The following AXIN2 variants were observed in gnomAD, a reference collection of about 807,000 sequenced individuals.
AXIN2 encodes axin 2.
Under a neutral mutation model 74.7 loss-of-function variants are expected in AXIN2, and 21 were observed. That is an observed-to-expected ratio of 0.28 (90% CI 0.20 to 0.40). The LOEUF is 0.40. Ranked by LOEUF, AXIN2 falls within the 10% of genes least tolerant of loss-of-function variation. AXIN2 has a pLI of 1.00. For synonymous variants in AXIN2, 532 were observed against 454.9 expected, an observed-to-expected ratio of 1.17 and a Z score of -2.16; for missense variants, 1,144 against 1,111.1, an observed-to-expected ratio of 1.03 and a Z score of -0.42.
chr17:65,558,739 G>T lies in AXIN2; in HGVS notation c.-116-3C>A. The T allele has an allele frequency of 9.8e-7, 1 of 1,016,994 alleles. No homozygotes were observed. The allele number at this position is 1,016,994 out of a possible 1,614,324, so 63.0% of individuals were successfully genotyped here. A position where few individuals can be genotyped will look rare whatever the true frequency, so the allele number is the denominator to read the frequency against. On this transcript the variant is annotated splice_polypyrimidine_tract_variant and splice_region_variant and intron_variant, in intron 1 of 10. Transcript: ENST00000307078. The stretch of plus-strand genomic sequence containing the variant: ...AGGGGCTCATCTGAACCTCCTCTCT[G>T]GAAAGAAAAGGAAGGGGGGAGGTGG...
At chr17:65,540,306 T>TTATG (rs1234572832) in intron 4 of AXIN2, among the ~76,000 whole-genome samples, 5 of 152,172 alleles carry the variant, frequency 3.3e-5, no homozygotes, top group Non-Finnish European at 7.4e-5. Context: ...TGAGCACCTA[T>TTATG]TATGTGTCAG....
At chr17:65,535,551 G>T (rs1253946847) in intron 9 of AXIN2, 75 bp downstream of exon 9, 5 of 1,445,698 alleles carry the variant, frequency 3.5e-6, no homozygotes, top group South Asian at 1.2e-5. Flanking sequence ...TCATGAAAAT[G>T]AAACTCCAGA....
intron 9 of AXIN2, among the ~76,000 whole-genome samples, chr17:65,535,065 C>A (rs74006834): frequency 0.013 from 1,921 of 152,300 alleles, 47 homozygotes; most frequent in African/African-American, 0.044. Flanking sequence ...AGGATGAAGA[C>A]ACTAAGAAAG....
intron 1 of AXIN2, chr17:65,560,941 G>C (rs1372914803): frequency 1.4e-5 from 2 of 147,336 alleles, no homozygotes; most frequent in East Asian, 4.0e-4. Flanking sequence ...GGCCGGCCGC[G>C]GCGTCGGGGA....
At position 65,541,646 on chromosome 17, in the gene AXIN2, CCCG is replaced by C. The variant is rs1421463537; in HGVS notation, c.957-92_957-90del. The stretch of plus-strand genomic sequence containing the variant: ...CTACTGTCATATGCCATCTTGAGAT[CCCG>C]CCGACAGGGCCACATGCTTCCATAG... On this transcript the variant is annotated intron_variant, in intron 3 of 10. Coordinates refer to ENST00000307078, the MANE Select transcript of AXIN2 (RefSeq NM_004655.4). 4.5e-6 allele frequency: 5 copies of C among 1,103,392 alleles called. No homozygotes were observed. The East Asian group carries it at 9.4e-5, about 21-fold the overall frequency. 68.4% of individuals were successfully genotyped at this position (1,103,392 alleles called of 1,614,324 possible). A position where few individuals can be genotyped will look rare whatever the true frequency, so the allele number is the denominator to read the frequency against.
At chr17:65,541,964 G>A (rs377466125) in intron 3 of AXIN2, among the ~76,000 whole-genome samples, 35 of 152,302 alleles carry the variant, frequency 2.3e-4, no homozygotes, top group African/African-American at 7.2e-4. Context: ...CTTCAAACCA[G>A]GAACCAGTGC....
Position 65,536,304 on chromosome 17 carries a change from C to A in AXIN2, c.2141+16G>T. On this transcript the variant is annotated intron_variant, in intron 8 of 10. Coordinates refer to ENST00000307078, the MANE Select transcript of AXIN2 (RefSeq NM_004655.4). The stretch of plus-strand genomic sequence containing the variant: ...CCAATCCCTGCCTCAACCTAGGACC[C>A]TTCACTTCCACTCACCGCTGCTTTG... The A allele has an allele frequency of 6.3e-7, 1 of 1,597,256 alleles. No homozygotes were observed. Among genetic ancestry groups the A allele is most frequent in the Non-Finnish European group, 8.5e-7 (1 of 1,172,924 alleles).
At chr17:65,549,134 T>G (rs2044156022) in intron 3 of AXIN2, among the ~76,000 whole-genome samples, 1 of 152,234 alleles carries the variant, frequency 6.6e-6, no homozygotes, top group Non-Finnish European at 1.5e-5. Context: ...CTGTTGGTTC[T>G]GCAGACAGGA....
chr17:65,544,838 C>G (rs953492182), intron 3 of AXIN2, among the ~76,000 whole-genome samples: 1 of 152,156 alleles, frequency 6.6e-6, no homozygotes, highest in Non-Finnish European at 1.5e-5. Context: ...CCCGACCTAA[C>G]CTGAATGTCA....
chr17:65,530,989 A>G (rs1055383234), intron 10 of AXIN2, among the ~76,000 whole-genome samples: 1 of 152,154 alleles, frequency 6.6e-6, no homozygotes, highest in Non-Finnish European at 1.5e-5. Flanking sequence ...ACCCCTTCCG[A>G]GGAAATTAAG....
rs145353986 is a variant in AXIN2 at position 65,536,969 on chromosome 17, C to G, written c.1807G>C (p.Ala603Pro). 2,339 of 1,613,200 alleles carry G rather than the reference C, an allele frequency of 1.4e-3. 63 individuals are homozygous for G. The East Asian group carries it at 0.043, about 30-fold the overall frequency. The change falls in exon 7 of 11, where the codon GCT (alanine) becomes CCT (proline). Residue 603 changes from alanine to proline, a missense_variant. Physicochemically the swap from Ala to Pro is conservative, Grantham distance 27. Transcript: ENST00000307078. Reference sequence around the variant, plus strand: ...TCCCGGGGAAGCTGCAGGGCCCCAGCTCCGCCGGGGGCCCCTCCTTCCCTG... The same window carrying G: ...TCCCGGGGAAGCTGCAGGGCCCCAGGTCCGCCGGGGGCCCCTCCTTCCCTG... ...PAREGGAPGG[A>P]GALQLPREEG...
chr17:65,548,495 T>C (rs900522026), intron 3 of AXIN2, among the ~76,000 whole-genome samples: 3 of 152,216 alleles, frequency 2.0e-5, no homozygotes, highest in Non-Finnish European at 4.4e-5. Flanking sequence ...CCTTTCAAAA[T>C]TGTTCCTTTA....
At position 65,529,701 on chromosome 17, in the gene AXIN2, C is replaced by G; in HGVS notation, c.*275G>C. On this transcript the variant is annotated 3_prime_UTR_variant, in exon 11 of 11. Transcript: ENST00000307078. ...GAAGTCATATATTATGTATGGCAGTCTCTCAAATACAGGCAGCATCTTCAA... is the reference window on the plus strand; with the variant it reads ...GAAGTCATATATTATGTATGGCAGTGTCTCAAATACAGGCAGCATCTTCAA... 2.0e-6 allele frequency: 1 copy of G among 495,506 alleles called. No homozygotes were observed. The highest frequency in any genetic ancestry group is 2.1e-5 in the South Asian group (1 of 48,138). The allele number at this position is 495,506 out of a possible 1,614,324, so 30.7% of individuals were successfully genotyped here.
intron 4 of AXIN2, 94 bp from the exon 5 acceptor site, chr17:65,538,437 C>A: frequency 6.5e-7 from 1 of 1,537,252 alleles, no homozygotes; most frequent in East Asian, 2.3e-5. Flanking sequence ...CGCTGTGCAC[C>A]GCAAACCCAT....
chr17:65,538,324 T>C lies in AXIN2; in HGVS notation c.1079A>G (p.Lys360Arg), dbSNP rs146249973. The part of the protein sequence containing the change: ...PHFPRTHRLP[K>R]EMTPVEPATF... Reference sequence around the variant, plus strand: ...GGCGGGTTCCACGGGGGTCATCTCCTTGGGCAGGCGGTGGGTTCTCTACAG... The same window carrying C: ...GGCGGGTTCCACGGGGGTCATCTCCCTGGGCAGGCGGTGGGTTCTCTACAG... Residue 360 changes from lysine (K) to arginine (R), a missense_variant, in exon 5 of 11, where the codon AAG becomes AGG. Transcript: ENST00000307078. 3.6e-5 allele frequency: 58 copies of C among 1,614,048 alleles called. No homozygotes were observed. In the African/African-American group the frequency reaches 4.4e-4, roughly 12 times the overall value.
chr17:65,537,421 C>T lies in AXIN2; in HGVS notation c.1615G>A (p.Val539Met), dbSNP rs9913621. ...EEIEAEATQR[V>M]HCFCPGGSEY... ...CTGCCCCCAGGGCAGAAGCAGTGCA[C>T]CCGCTGCGTGGCCTCCGCCTCGATC... Residue 539 changes from valine to methionine, a missense_variant, in exon 6 of 11, where the codon GTG becomes ATG. Coordinates refer to ENST00000307078, the MANE Select transcript of AXIN2 (RefSeq NM_004655.4). The T allele has an allele frequency of 2.4e-3, 3,813 of 1,613,986 alleles. 83 individuals are homozygous for T. The African/African-American group carries it at 0.044, about 19-fold the overall frequency.
rs1598099499 is a variant in AXIN2, at chr17:65,537,732, G to A, written c.1304C>T (p.Pro435Leu). 2 of 1,564,856 alleles carry A rather than the reference G, an allele frequency of 1.3e-6. No homozygotes were observed. The highest frequency in any genetic ancestry group is 1.7e-6 in the Non-Finnish European group (2 of 1,154,742). Residue 435 changes from proline (P) to leucine (L), a missense_variant, in exon 6 of 11, where the codon CCG becomes CTG. Pro to Leu is a moderately conservative substitution (Grantham distance 98). Around this residue, in one of 4 missense-constraint regions of AXIN2, gnomAD observed 1,053 missense variants for 973.5 expected, o/e 1.08. Transcript: ENST00000307078. Reference sequence around the variant, plus strand: ...CAGGTGATCGTCCAGTATCGTCTGCGGGTCTTCCTCGTAGCTGCCGGAGGG... The same window carrying A: ...CAGGTGATCGTCCAGTATCGTCTGCAGGTCTTCCTCGTAGCTGCCGGAGGG... Reference protein sequence around the residue: ...LLPSGSYEEDPQTILDDHLSR... With the variant: ...LLPSGSYEEDLQTILDDHLSR...
At chr17:65,544,161 C>T (rs761661445) in intron 3 of AXIN2, among the ~76,000 whole-genome samples, 1 of 152,050 alleles carries the variant, frequency 6.6e-6, no homozygotes, top group Non-Finnish European at 1.5e-5. Context: ...CGTCCACCCC[C>T]TCCAAGACTC....
rs578019170 is a variant in AXIN2, at chr17:65,541,318, T to TCCC, written c.1059+134_1059+136dup. 1.7e-3 allele frequency: 1,303 copies of TCCC among 785,170 alleles called. 25 individuals carry two copies. The Admixed American group carries it at 0.024, about 14-fold the overall frequency. 48.6% of individuals were successfully genotyped at this position (785,170 alleles called of 1,614,324 possible). ...ATGCCTATTGTCCAGTTCTTTTCTCTCCCTTTGCCCTAGGGGACCTTAGGT... is the reference window on the plus strand; with the variant it reads ...ATGCCTATTGTCCAGTTCTTTTCTCTCCCCCCTTTGCCCTAGGGGACCTTAGGT... On this transcript the variant is annotated intron_variant, in intron 4 of 10. Transcript: ENST00000307078.
Sources: allele counts gnomAD v4.1 joint callset (sites outside exome capture counted in the v4.1 genomes callset), GRCh38; gene constraint gnomAD v4.1.1; regional missense constraint gnomAD v4.1.1; transcripts MANE v1.5; gene names NCBI Gene and HGNC (gene_info 2026-07-23, HGNC 2026-07-21).